Variants in DSCAML1 observed in about 807,000 individuals in gnomAD.
The protein encoded by DSCAML1 is DS cell adhesion molecule like 1.
Under a neutral mutation model 200.5 loss-of-function variants are expected in DSCAML1, and 38 were observed. The observed-to-expected ratio is 0.19, with a 90% CI of 0.15 to 0.25. The LOEUF is 0.25. Ranked by LOEUF, DSCAML1 falls within the 10% of genes least tolerant of loss-of-function variation. The probability of loss-of-function intolerance (pLI) is 1.00; values close to 1 mark genes in which losing one functional copy is unlikely to be tolerated. For missense variants in DSCAML1, 2,223 were observed against 2,858.8 expected (o/e 0.78, Z 5.07); for synonymous variants, 1,215 against 1,165.0 (o/e 1.04, Z -0.87).
At chr11:117,701,468 T>C (rs73596628) in intron 3 of DSCAML1, among the ~76,000 whole-genome samples, 11,061 of 151,812 alleles carry the variant, frequency 0.073, 427 homozygotes, top group East Asian at 0.15. Context: ...TTCTGAAAAA[T>C]AGTTCAATAT....
intron 11 of DSCAML1, among the ~76,000 whole-genome samples, chr11:117,494,195 G>T (rs1300421149): frequency 6.6e-6 from 1 of 152,156 alleles, no homozygotes; most frequent in Non-Finnish European, 1.5e-5. Flanking sequence ...GGTACTTCCA[G>T]GTCATTGCTG....
intron 3 of DSCAML1, among the ~76,000 whole-genome samples, chr11:117,584,594 C>T (rs760809409): frequency 3.7e-4 from 56 of 152,190 alleles, no homozygotes; most frequent in Non-Finnish European, 1.3e-4. Flanking sequence ...GCCTGGGTAG[C>T]TGCCGGCAGC....
intron 3 of DSCAML1, among the ~76,000 whole-genome samples, chr11:117,724,482 T>A (rs2054090074): frequency 6.6e-6 from 1 of 152,194 alleles, no homozygotes; most frequent in Non-Finnish European, 1.5e-5. Flanking sequence ...TCCACTGGGA[T>A]GTACAGAAGC....
intron 3 of DSCAML1, among the ~76,000 whole-genome samples, chr11:117,695,318 T>TTTC (rs1555199683): frequency 4.6e-5 from 6 of 130,438 alleles, no homozygotes; most frequent in East Asian, 2.0e-4. Context: ...TCTTTTTCTT[T>TTTC]TTTTTTTTTT....
intron 3 of DSCAML1, among the ~76,000 whole-genome samples, chr11:117,712,721 CTCAA>C (rs1205217296): frequency 2.0e-5 from 3 of 152,060 alleles, no homozygotes; most frequent in Non-Finnish European, 4.4e-5. Context: ...CTCAATCACG[CTCAA>C]TCACTCTGCT....
chr11:117,688,204 T>C (rs2137712493), intron 3 of DSCAML1, among the ~76,000 whole-genome samples: 1 of 152,292 alleles, frequency 6.6e-6, no homozygotes, highest in Admixed American at 6.5e-5. Context: ...AGCGTAAAAC[T>C]GCTACAGAGG....
intron 3 of DSCAML1, among the ~76,000 whole-genome samples, chr11:117,629,640 G>A (rs548335499): frequency 4.3e-4 from 65 of 152,262 alleles, no homozygotes; most frequent in African/African-American, 1.4e-3. Context: ...GAGACAGTCA[G>A]GGAGACTCAG....
chr11:117,812,237 C>T (rs1449244431), intron 1 of DSCAML1, among the ~76,000 whole-genome samples: 1 of 152,134 alleles, frequency 6.6e-6, no homozygotes, highest in Non-Finnish European at 1.5e-5. Flanking sequence ...CCTAATCACC[C>T]TTACCCCACT....
intron 3 of DSCAML1, among the ~76,000 whole-genome samples, chr11:117,566,146 T>G (rs1050266537): frequency 2.0e-5 from 3 of 152,308 alleles, no homozygotes; most frequent in Admixed American, 2.0e-4. Context: ...CATCATCATC[T>G]CTGTTTAATA....
intron 1 of DSCAML1, among the ~76,000 whole-genome samples, chr11:117,809,889 ACACACC>A (rs1204222396): frequency 1.1e-4 from 16 of 150,654 alleles, no homozygotes; most frequent in African/African-American, 3.6e-4. Context: ...TCTTACACAC[ACACACC>A]CACACACTCA....
At chr11:117,507,559 T>C (rs2049526202) in intron 8 of DSCAML1, among the ~76,000 whole-genome samples, 1 of 152,188 alleles carries the variant, frequency 6.6e-6, no homozygotes, top group Admixed American at 6.5e-5. Flanking sequence ...AGGAGGGATG[T>C]GGCCTCTGTG....
At chr11:117,560,588 T>C (rs2050643528) in intron 3 of DSCAML1, among the ~76,000 whole-genome samples, 1 of 152,192 alleles carries the variant, frequency 6.6e-6, no homozygotes, top group African/African-American at 2.4e-5. Context: ...CTCTGGGACC[T>C]TGTTAGGACC....
intron 3 of DSCAML1, among the ~76,000 whole-genome samples, chr11:117,711,604 G>A (rs1234943022): frequency 6.6e-6 from 1 of 152,070 alleles, no homozygotes; most frequent in Non-Finnish European, 1.5e-5. Context: ...ATAACCCCAG[G>A]GACAACACTC....
intron 3 of DSCAML1, among the ~76,000 whole-genome samples, chr11:117,756,312 C>T (rs1047137086): frequency 7.9e-5 from 12 of 152,098 alleles, no homozygotes; most frequent in Non-Finnish European, 1.5e-4. Context: ...AAGGTCTGCA[C>T]GATATGTGTG....
At chr11:117,741,229 CCTA>C (rs2054418188) in intron 3 of DSCAML1, among the ~76,000 whole-genome samples, 2 of 152,214 alleles carry the variant, frequency 1.3e-5, no homozygotes, top group Admixed American at 1.3e-4. Flanking sequence ...AGGTGGGGCA[CCTA>C]CTGATTCCTG....
intron 32 of DSCAML1, among the ~76,000 whole-genome samples, chr11:117,429,934 G>T (rs1026711654): frequency 6.6e-6 from 1 of 152,228 alleles, no homozygotes; most frequent in Non-Finnish European, 1.5e-5. Context: ...GCTAAAAGGG[G>T]TGGGGGTGTC....
At chr11:117,542,959 G>A (rs965674049) in intron 3 of DSCAML1, among the ~76,000 whole-genome samples, 2 of 152,204 alleles carry the variant, frequency 1.3e-5, no homozygotes, top group African/African-American at 4.8e-5. Flanking sequence ...CCCCTTCCCC[G>A]TGAGGTGGAC....
chr11:117,677,441 G>T (rs1458353571), intron 3 of DSCAML1, among the ~76,000 whole-genome samples: 1 of 152,084 alleles, frequency 6.6e-6, no homozygotes, highest in Non-Finnish European at 1.5e-5. Flanking sequence ...TCCCATCTGT[G>T]GTCCTGTGAG....
chr11:117,817,028 C>T (rs989018588), intron 1 of DSCAML1, among the ~76,000 whole-genome samples: 1 of 152,214 alleles, frequency 6.6e-6, no homozygotes, highest in Admixed American at 6.5e-5. Context: ...GGCTCTTTCT[C>T]TGGAGCTGCT....
Sources: allele counts gnomAD v4.1 joint callset (sites outside exome capture counted in the v4.1 genomes callset), GRCh38; gene constraint gnomAD v4.1.1; transcripts MANE v1.5; gene names NCBI Gene and HGNC (gene_info 2026-07-23, HGNC 2026-07-21).